The following MCTP1 variants were observed in gnomAD, a reference collection of about 807,000 sequenced individuals.
MCTP1 encodes multiple C2 and transmembrane domain containing 1.
MCTP1 carries 69 observed loss-of-function variants against 120.6 expected under a neutral mutation model. The ratio of observed to expected loss-of-function variants is 0.57; its 90% confidence interval spans 0.47 to 0.70. The LOEUF is 0.70. Ranked by LOEUF, MCTP1 falls within the 30% of genes least tolerant of loss-of-function variation. The pLI is 0.00. For synonymous variants in MCTP1, 529 were observed against 493.1 expected (o/e 1.07, Z -0.96); for missense variants, 1,203 against 1,248.8 (o/e 0.96, Z 0.55).
chr5:94,811,263 G>A (rs2153065593), intron 17 of MCTP1, among the ~76,000 whole-genome samples: 1 of 152,212 alleles, frequency 6.6e-6, no homozygotes, highest in African/African-American at 2.4e-5. Context: ...GCTCTAAGTG[G>A]TCTAGTTACT....
At chr5:94,760,321 A>T (rs1250141296) in intron 19 of MCTP1, among the ~76,000 whole-genome samples, 1 of 152,208 alleles carries the variant, frequency 6.6e-6, no homozygotes, top group East Asian at 1.9e-4. Context: ...AACTTGTTTG[A>T]CTACTCCAGG....
intron 20 of MCTP1, among the ~76,000 whole-genome samples, chr5:94,711,965 G>A (rs1028437636): frequency 6.6e-6 from 1 of 151,918 alleles, no homozygotes; most frequent in African/African-American, 2.4e-5. Context: ...GAGCCTCCAG[G>A]GTTGGGCATA....
intron 8 of MCTP1, among the ~76,000 whole-genome samples, chr5:94,913,427 A>G (rs1809300666): frequency 6.6e-6 from 1 of 152,190 alleles, no homozygotes; most frequent in Non-Finnish European, 1.5e-5. Flanking sequence ...TTTTAATTGC[A>G]AGATTAGTTG....
chr5:94,933,810 T>G (rs904587744), intron 5 of MCTP1, among the ~76,000 whole-genome samples: 2 of 151,894 alleles, frequency 1.3e-5, no homozygotes, highest in Non-Finnish European at 2.9e-5. Flanking sequence ...AAGGACCACA[T>G]ACAATTAACC....
intron 19 of MCTP1, among the ~76,000 whole-genome samples, chr5:94,757,995 A>G (rs373936896): frequency 3.3e-5 from 5 of 152,328 alleles, no homozygotes; most frequent in African/African-American, 1.2e-4. Context: ...TGTCTTCAGG[A>G]AACAAGTTTA....
Position 94,778,270 on chromosome 5 carries a change from T to C in MCTP1, c.2610+840A>G, listed in dbSNP as rs76112795. The stretch of plus-strand genomic sequence containing the variant: ...ATCTGGTTTTACACGCCAAACAACG[T>C]GGAAATAACTAACGATTTTCTCTCC... On this transcript the variant is annotated intron_variant, in intron 19 of 22. Coordinates refer to ENST00000515393, the MANE Select transcript of MCTP1 (RefSeq NM_024717.7). 5.9e-3 allele frequency among the ~76,000 whole-genome samples: 900 copies of C among 152,214 alleles called. 5 individuals are homozygous for C. The highest frequency in any genetic ancestry group is 0.021 in the African/African-American group (872 of 41,530).
intron 1 of MCTP1, among the ~76,000 whole-genome samples, chr5:95,067,572 T>A (rs1015084917): frequency 1.3e-5 from 2 of 152,160 alleles, no homozygotes; most frequent in South Asian, 2.1e-4. Flanking sequence ...AGAAATAAAC[T>A]AAGATACATT....
rs115333026 is a variant in MCTP1 at position 95,029,575 on chromosome 5, G to A, written c.721-12091C>T. On this transcript the variant is annotated intron_variant, in intron 1 of 22. Transcript: ENST00000515393. ...CAAACAAGGAAAGCAGCAAGAATCC[G>A]GCATAGATTGACTCCCAAAGAACTC... Among the ~76,000 whole-genome samples the A allele has an allele frequency of 2.2e-3, 334 of 152,152 alleles. 2 individuals carry two copies. Among genetic ancestry groups the A allele is most frequent in the African/African-American group, 7.9e-3 (326 of 41,520 alleles).
At chr5:95,134,136 T>G (rs961684268) in intron 1 of MCTP1, among the ~76,000 whole-genome samples, 3 of 152,218 alleles carry the variant, frequency 2.0e-5, no homozygotes, top group Non-Finnish European at 2.9e-5. Context: ...ATTCTATAAA[T>G]AGGTGAGATT....
intron 17 of MCTP1, among the ~76,000 whole-genome samples, chr5:94,834,721 GTCTAACCCA>G (rs1789311281): frequency 6.6e-6 from 1 of 151,990 alleles, no homozygotes; most frequent in African/African-American, 2.4e-5. Context: ...AGTGTGGAGG[GTCTAACCCA>G]CAATAACCTA....
chr5:94,988,056 T>C (rs189240261), intron 2 of MCTP1, among the ~76,000 whole-genome samples: 3 of 152,206 alleles, frequency 2.0e-5, no homozygotes, highest in East Asian at 1.9e-4. Flanking sequence ...ATAGGTTCTA[T>C]GGAAGCAGAA....
At chr5:94,774,187 G>A (rs1349187853) in intron 19 of MCTP1, among the ~76,000 whole-genome samples, 2 of 101,046 alleles carry the variant, frequency 2.0e-5, no homozygotes, top group Non-Finnish European at 3.7e-5. Flanking sequence ...CAGCCTGGGC[G>A]ACAGAGCAAG....
At chr5:95,014,789 C>A (rs1169780140) in intron 2 of MCTP1, among the ~76,000 whole-genome samples, 1 of 152,118 alleles carries the variant, frequency 6.6e-6, no homozygotes. Flanking sequence ...GAAAGATGCT[C>A]TACTGTGGGT....
chr5:94,804,413 A>G (rs2153040382), intron 17 of MCTP1, among the ~76,000 whole-genome samples: 1 of 152,278 alleles, frequency 6.6e-6, no homozygotes, highest in East Asian at 1.9e-4. Context: ...ACAAAGTACT[A>G]TATTATTAAT....
intron 1 of MCTP1, among the ~76,000 whole-genome samples, chr5:95,088,076 T>C (rs530470376): frequency 6.6e-6 from 1 of 152,338 alleles, no homozygotes; most frequent in South Asian, 2.1e-4. Flanking sequence ...ATTGGCATTC[T>C]GATCTCACAC....
In MCTP1 at chr5:94,941,411, T is replaced by C. The variant is rs73774804; in HGVS notation, c.1061+937A>G. Reference sequence around the variant, plus strand: ...GTCCAGTCTGAGGCAACAATGACTATTGGAAGACCAATAAGCCATTGTGCT... The same window carrying C: ...GTCCAGTCTGAGGCAACAATGACTACTGGAAGACCAATAAGCCATTGTGCT... On this transcript the variant is annotated intron_variant, in intron 4 of 22. Transcript: ENST00000515393. 5.1e-3 allele frequency among the ~76,000 whole-genome samples: 780 copies of C among 152,208 alleles called. 8 individuals carry two copies. The highest frequency in any genetic ancestry group is 0.017 in the African/African-American group (726 of 41,538).
chr5:95,161,517 T>C (rs1047178977), intron 1 of MCTP1, among the ~76,000 whole-genome samples: 2 of 152,106 alleles, frequency 1.3e-5, no homozygotes, highest in Non-Finnish European at 2.9e-5. Flanking sequence ...GCTTCAGTGA[T>C]CTAATGCACA....
At chr5:95,011,604 T>TC (rs2153658033) in intron 2 of MCTP1, among the ~76,000 whole-genome samples, 1 of 149,524 alleles carries the variant, frequency 6.7e-6, no homozygotes, top group South Asian at 2.2e-4. Context: ...GTGTGGCACT[T>TC]CCTCCCTCAC....
intron 3 of MCTP1, among the ~76,000 whole-genome samples, chr5:94,947,041 C>A (rs1403519940): frequency 6.6e-6 from 1 of 152,162 alleles, no homozygotes; most frequent in Non-Finnish European, 1.5e-5. Flanking sequence ...TTGTTTTGAA[C>A]TTTATTTCTG....
Sources: gnomAD v4.1 joint callset for allele counts (sites outside exome capture counted in the v4.1 genomes callset) on GRCh38, gnomAD v4.1.1 for gene constraint, MANE v1.5 for transcripts, NCBI Gene and HGNC (gene_info 2026-07-23, HGNC 2026-07-21) for gene names.